Variants in MYT1L observed in about 807,000 individuals in gnomAD.
MYT1L encodes myelin transcription factor 1-like protein.
MYT1L carries 12 observed loss-of-function variants against 126.7 expected under a neutral mutation model. The observed-to-expected ratio is 0.09, with a 90% confidence interval of 0.06 to 0.15. The LOEUF (loss-of-function observed/expected upper bound fraction) is 0.15, where lower values mean the gene tolerates loss of function less well. Among genes scored for constraint, MYT1L ranks in the 10% least tolerant of loss-of-function variants. The probability of loss-of-function intolerance (pLI) is 1.00; values close to 1 mark genes in which losing one functional copy is unlikely to be tolerated. For synonymous variants in MYT1L, 541 were observed against 604.2 expected, an observed-to-expected ratio of 0.90 and a Z score of 1.53; for missense variants, 979 against 1,585.2, an observed-to-expected ratio of 0.62 and a Z score of 6.49.
At chr2:2,109,278 G>T (rs1159484946) in intron 3 of MYT1L, among the ~76,000 whole-genome samples, 1 of 152,196 alleles carries the variant, frequency 6.6e-6, no homozygotes, top group Non-Finnish European at 1.5e-5. Context: ...TGTGTCCCAG[G>T]AGTAGCAGGA....
chr2:1,892,629 A>T (rs1474288148), intron 14 of MYT1L, among the ~76,000 whole-genome samples: 2 of 148,876 alleles, frequency 1.3e-5, no homozygotes, highest in Non-Finnish European at 3.0e-5. Context: ...GCTAGCTTTT[A>T]GGAGCCGCAG....
intron 3 of MYT1L, among the ~76,000 whole-genome samples, chr2:2,138,010 C>A (rs1368394512): frequency 2.0e-5 from 3 of 152,060 alleles, no homozygotes; most frequent in Admixed American, 2.0e-4. Flanking sequence ...ACAAACAACC[C>A]CATCAAAAAG....
intron 2 of MYT1L, among the ~76,000 whole-genome samples, chr2:2,246,273 C>T (rs528726331): frequency 1.4e-4 from 22 of 152,312 alleles, no homozygotes; most frequent in Admixed American, 5.2e-4. Context: ...CTTCGCCTGC[C>T]ACAAAAGAGT....
At chr2:2,151,683 A>G (rs1326636060) in intron 3 of MYT1L, among the ~76,000 whole-genome samples, 2 of 152,224 alleles carry the variant, frequency 1.3e-5, no homozygotes, top group East Asian at 1.9e-4. Context: ...ATACATACCT[A>G]GGATAAAGTT....
chr2:1,901,809 G>T (rs1156507539), intron 14 of MYT1L, among the ~76,000 whole-genome samples: 1 of 152,166 alleles, frequency 6.6e-6, no homozygotes, highest in Non-Finnish European at 1.5e-5. Flanking sequence ...ATAGGCATGA[G>T]CCACCATGCC....
chr2:2,318,417 G>T (rs183403025), intron 1 of MYT1L, among the ~76,000 whole-genome samples: 5 of 152,328 alleles, frequency 3.3e-5, no homozygotes, highest in Admixed American at 6.5e-5. Flanking sequence ...TAGATGAACA[G>T]GTGGCTTTGC....
chr2:1,863,763 T>G, intron 18 of MYT1L, among the ~76,000 whole-genome samples: 2 of 143,964 alleles, frequency 1.4e-5, no homozygotes, highest in African/African-American at 2.5e-5. Flanking sequence ...TTGGGGATAT[T>G]TGGGGGGATA....
At chr2:1,962,056 C>A (rs1465232401) in intron 8 of MYT1L, among the ~76,000 whole-genome samples, 2 of 152,236 alleles carry the variant, frequency 1.3e-5, no homozygotes, top group Non-Finnish European at 2.9e-5. Context: ...TAAATTATCA[C>A]ATGTACTATG....
In MYT1L at chr2:1,943,073, C is replaced by T; in HGVS notation, c.414G>A (p.Glu138=). The change falls in exon 9 of 25, where the codon GAG becomes GAA. Residue 138 remains glutamate, a synonymous_variant. Transcript: ENST00000647738. The surrounding 1 kb of genome is among the most constrained non-coding windows in gnomAD (Gnocchi z 4.4). ...DREEEEEIEE[E]DEDDDEDGED... Reference sequence around the variant, plus strand: ...CTCCATCCTCGTCATCGTCCTCATCCTCCTCCTCGATCTCCTCCTCCTCCT... The same window carrying T: ...CTCCATCCTCGTCATCGTCCTCATCTTCCTCCTCGATCTCCTCCTCCTCCT... 1 of 1,457,306 alleles carries T rather than the reference C, an allele frequency of 6.9e-7. No individual in the cohort carries two copies. The highest frequency in any genetic ancestry group is 9.4e-7 in the Non-Finnish European group (1 of 1,061,140). The allele number at this position is 1,457,306 out of a possible 1,614,324, so 90.3% of individuals were successfully genotyped here.
chr2:1,982,963 A>T (rs1428681105), intron 5 of MYT1L, among the ~76,000 whole-genome samples: 1 of 152,354 alleles, frequency 6.6e-6, no homozygotes, highest in African/African-American at 2.4e-5. Flanking sequence ...TGGTTGGATA[A>T]GGATAAGAAT....
chr2:2,161,435 C>T (rs2087908762), intron 3 of MYT1L, among the ~76,000 whole-genome samples: 1 of 152,234 alleles, frequency 6.6e-6, no homozygotes, highest in Admixed American at 6.5e-5. Context: ...TGACCCGTGC[C>T]TGCACGAGGA....
intron 2 of MYT1L, among the ~76,000 whole-genome samples, chr2:2,250,606 C>G (rs913411684): frequency 6.8e-6 from 1 of 147,710 alleles, no homozygotes; most frequent in African/African-American, 2.5e-5. Context: ...TTTGATAGCA[C>G]AACAAAGAGA....
chr2:1,817,195 A>G (rs1381295893), intron 21 of MYT1L, among the ~76,000 whole-genome samples: 1 of 152,250 alleles, frequency 6.6e-6, no homozygotes, highest in Non-Finnish European at 1.5e-5. Context: ...CTACCTTGAA[A>G]ATAAAGGAAC....
At chr2:1,843,619 A>G (rs1358323830) in intron 19 of MYT1L, among the ~76,000 whole-genome samples, 9 of 150,870 alleles carry the variant, frequency 6.0e-5, no homozygotes, top group South Asian at 4.2e-4. Flanking sequence ...CTTCCTAGGG[A>G]GAATTACGGT....
chr2:2,220,038 C>T (rs1040583426), intron 2 of MYT1L, among the ~76,000 whole-genome samples: 3 of 151,992 alleles, frequency 2.0e-5, no homozygotes, highest in African/African-American at 7.3e-5. Context: ...CGCATTTGCA[C>T]AGTGAGTGGA....
At chr2:1,863,645 G>A (rs183094818) in intron 18 of MYT1L, among the ~76,000 whole-genome samples, 32 of 136,258 alleles carry the variant, frequency 2.3e-4, no homozygotes, top group Admixed American at 7.7e-4. Flanking sequence ...GCTCCAGCCC[G>A]ACCCCAGGAG....
chr2:2,137,701 A>G (rs2083271733), intron 3 of MYT1L, among the ~76,000 whole-genome samples: 2 of 152,220 alleles, frequency 1.3e-5, no homozygotes, highest in South Asian at 4.1e-4. Flanking sequence ...AAGATGGATT[A>G]AAGACTTAAA....
At chr2:1,849,220 C>T (rs372004597) in intron 19 of MYT1L, among the ~76,000 whole-genome samples, 6 of 151,754 alleles carry the variant, frequency 4.0e-5, no homozygotes, top group East Asian at 1.9e-4. Context: ...GTTCACCTTA[C>T]GGGGTGCTGA....
At chr2:2,184,910 C>G (rs2091955539) in intron 2 of MYT1L, among the ~76,000 whole-genome samples, 1 of 152,222 alleles carries the variant, frequency 6.6e-6, no homozygotes, top group South Asian at 2.1e-4. Flanking sequence ...GGCAACTGTG[C>G]AAAGCTCCAC....
Sources: allele counts gnomAD v4.1 joint callset (sites outside exome capture counted in the v4.1 genomes callset), GRCh38; gene constraint gnomAD v4.1.1; non-coding constraint Gnocchi (gnomAD v3.1); transcripts MANE v1.5; gene names NCBI Gene and HGNC (gene_info 2026-07-23, HGNC 2026-07-21).